ARHGEF12: variants seen among roughly 807,000 people sequenced by gnomAD.
The protein encoded by ARHGEF12 is Rho guanine nucleotide exchange factor 12.
Under a neutral mutation model 211.2 loss-of-function variants are expected in ARHGEF12, and 66 were observed. The ratio of observed to expected loss-of-function variants is 0.31; its 90% CI spans 0.26 to 0.38. The LOEUF (loss-of-function observed/expected upper bound fraction) is 0.38, where lower values mean the gene tolerates loss of function less well. ARHGEF12 is among the 10% of genes least tolerant of loss of function. ARHGEF12 has a pLI of 1.00. For missense variants in ARHGEF12, 1,429 were observed against 1,869.5 expected (o/e 0.76, Z 4.34); for synonymous variants, 592 against 638.4 (o/e 0.93, Z 1.09).
chr11:120,474,993 G>GTGT (rs1457002238), intron 32 of ARHGEF12, among the ~76,000 whole-genome samples: 1 of 152,100 alleles, frequency 6.6e-6, no homozygotes, highest in Non-Finnish European at 1.5e-5. Flanking sequence ...TGCCCAGGCT[G>GTGT]GAGCACAGTG....
intron 40 of ARHGEF12, 139 bp from the exon 41 acceptor site, chr11:120,484,928 C>T (rs983765678): frequency 1.3e-5 from 11 of 856,308 alleles, no homozygotes; most frequent in Admixed American, 6.7e-5. Context: ...GTGTTCCCTG[C>T]AGCAGTTTAT....
At chr11:120,368,036 G>A in intron 1 of ARHGEF12, among the ~76,000 whole-genome samples, 1 of 152,154 alleles carries the variant, frequency 6.6e-6, no homozygotes, top group East Asian at 1.9e-4. Flanking sequence ...ATGGGATAGA[G>A]AAGAAAACTA....
intron 38 of ARHGEF12, among the ~76,000 whole-genome samples, 197 bp downstream of exon 38, chr11:120,480,627 G>A (rs988104594): frequency 1.3e-5 from 2 of 152,122 alleles, no homozygotes; most frequent in Non-Finnish European, 2.9e-5. Flanking sequence ...GGGAGATATA[G>A]CAGTGAATAA....
At position 120,446,973 on chromosome 11, in the gene ARHGEF12, T is replaced by C. The variant is rs762084574; in HGVS notation, c.1477T>C (p.Leu493=). 13 of 1,614,062 alleles carry C rather than the reference T, an allele frequency of 8.1e-6. No individual in the cohort carries two copies. The highest frequency in any genetic ancestry group is 1.6e-4 in the Middle Eastern group (1 of 6,084). ...GCAGAAACGTAGTATGGGACTGACC[T>C]TGGCTGAAAGCGAGCTGACTAAACT... The part of the protein sequence containing the change: ...FRQKRSMGLT[L]AESELTKLDA... Residue 493 remains leucine, a synonymous_variant, in exon 18 of 41, where the codon TTG becomes CTG. Transcript: ENST00000397843.
intron 33 of ARHGEF12, chr11:120,475,916 C>T: frequency 6.4e-6 from 1 of 155,874 alleles, no homozygotes; most frequent in Non-Finnish European, 1.4e-5. Flanking sequence ...ACAACGGGGT[C>T]CCTTTTAAAA....
At chr11:120,343,864 T>A (rs966649734) in intron 1 of ARHGEF12, among the ~76,000 whole-genome samples, 1 of 152,216 alleles carries the variant, frequency 6.6e-6, no homozygotes, top group Admixed American at 6.5e-5. Flanking sequence ...TACTACAGTT[T>A]TTGTCAAATA....
rs569788571 is a variant in ARHGEF12, at chr11:120,427,759, A to G, written c.407-310A>G. On this transcript the variant is annotated intron_variant, in intron 7 of 40. Transcript: ENST00000397843. Reference sequence around the variant, plus strand: ...AGATGGTTGATTTTAACACTCCTCTAAATAAAGAAAATATATAATATATTC... The same window carrying G: ...AGATGGTTGATTTTAACACTCCTCTGAATAAAGAAAATATATAATATATTC... Among the ~76,000 whole-genome samples the G allele has an allele frequency of 5.3e-5, 8 of 152,180 alleles. No homozygotes were observed. In the East Asian group the frequency reaches 1.5e-3, roughly 29 times the overall value.
At chr11:120,437,736 C>T (rs983378498) in intron 12 of ARHGEF12, among the ~76,000 whole-genome samples, 11 of 152,128 alleles carry the variant, frequency 7.2e-5, no homozygotes, top group Non-Finnish European at 1.0e-4. Context: ...TACATTTCCC[C>T]CTTCCCCCTA....
chr11:120,367,541 T>G (rs1057429688), intron 1 of ARHGEF12, among the ~76,000 whole-genome samples: 73 of 152,036 alleles, frequency 4.8e-4, no homozygotes, highest in African/African-American at 1.8e-3. Context: ...AATTTTTGTA[T>G]TTTTAGTAGA....
At chr11:120,482,297 T>G (rs1257658886) in intron 39 of ARHGEF12, among the ~76,000 whole-genome samples, 1 of 152,234 alleles carries the variant, frequency 6.6e-6, no homozygotes, top group Non-Finnish European at 1.5e-5. Context: ...CATTGGCAGC[T>G]TCCCAAATCC....
chr11:120,376,490 A>C (rs1329148617), intron 1 of ARHGEF12, among the ~76,000 whole-genome samples: 1 of 152,172 alleles, frequency 6.6e-6, no homozygotes, highest in Non-Finnish European at 1.5e-5. Context: ...TAATTTACAT[A>C]TAAAATTCAC....
At chr11:120,354,216 C>T (rs569631531) in intron 1 of ARHGEF12, among the ~76,000 whole-genome samples, 2 of 152,102 alleles carry the variant, frequency 1.3e-5, no homozygotes, top group Non-Finnish European at 1.5e-5. Flanking sequence ...TAATCCCAGT[C>T]GGCCCAATTA....
chr11:120,361,485 A>G (rs1943273139), intron 1 of ARHGEF12, among the ~76,000 whole-genome samples: 1 of 152,224 alleles, frequency 6.6e-6, no homozygotes, highest in African/African-American at 2.4e-5. Context: ...CTGCTCATCT[A>G]TAGAATCTAT....
chr11:120,468,574 G>A (rs934809972), intron 29 of ARHGEF12, among the ~76,000 whole-genome samples: 11 of 152,086 alleles, frequency 7.2e-5, no homozygotes, highest in Non-Finnish European at 1.3e-4. Flanking sequence ...TCAGCCTCCC[G>A]AGTAGCTGGG....
chr11:120,414,084 C>T (rs1167013777), intron 4 of ARHGEF12, among the ~76,000 whole-genome samples: 2 of 151,626 alleles, frequency 1.3e-5, no homozygotes, highest in East Asian at 3.9e-4. Context: ...GTTTTAAGTG[C>T]CACATTGTAA....
chr11:120,455,751 A>T (rs987148690), intron 22 of ARHGEF12, among the ~76,000 whole-genome samples: 2 of 152,262 alleles, frequency 1.3e-5, no homozygotes, highest in African/African-American at 2.4e-5. Context: ...ATCACAGATA[A>T]GAAAATGGGG....
intron 1 of ARHGEF12, among the ~76,000 whole-genome samples, chr11:120,356,936 G>A (rs1943146672): frequency 6.6e-6 from 1 of 152,092 alleles, no homozygotes; most frequent in South Asian, 2.1e-4. Context: ...TGAAGAAAGA[G>A]AAAGTTTAAG....
rs1946388139 is a variant in ARHGEF12, at chr11:120,457,172, C to A, written c.2111C>A (p.Pro704His). Residue 704 changes from proline to histidine, a missense_variant, in exon 23 of 41, where the codon CCT (proline) becomes CAT (histidine). Around this residue, in one of 7 missense-constraint regions of ARHGEF12, gnomAD observed 373 missense variants for 467.5 expected, o/e 0.80. Transcript: ENST00000397843. ...CCTGGAGACACCTTAGATGGCACACCTCGTACTCTCAATACTGTCTTTGAT... is the reference window on the plus strand; with the variant it reads ...CCTGGAGACACCTTAGATGGCACACATCGTACTCTCAATACTGTCTTTGAT... ...SAPGDTLDGT[P>H]RTLNTVFDFP... 6.2e-7 allele frequency: 1 copy of A among 1,613,926 alleles called. No individual in the cohort carries two copies.
At chr11:120,437,854 C>T (rs1945742140) in intron 12 of ARHGEF12, among the ~76,000 whole-genome samples, 1 of 152,200 alleles carries the variant, frequency 6.6e-6, no homozygotes, top group Non-Finnish European at 1.5e-5. Flanking sequence ...TGGCTTCTCT[C>T]ACTTAGCATA....
Sources: allele counts gnomAD v4.1 joint callset (sites outside exome capture counted in the v4.1 genomes callset), GRCh38; gene constraint gnomAD v4.1.1; regional missense constraint gnomAD v4.1.1; transcripts MANE v1.5; gene names NCBI Gene and HGNC (gene_info 2026-07-23, HGNC 2026-07-21).